The following CNTN6 variants were observed in gnomAD, a reference collection of about 807,000 sequenced individuals.
The protein encoded by CNTN6 is contactin 6, also known as contactin-6.
CNTN6 carries 137 observed loss-of-function variants against 122.8 expected under a neutral mutation model. The ratio of observed to expected loss-of-function variants is 1.12; its 90% CI spans 0.97 to 1.29. The LOEUF (loss-of-function observed/expected upper bound fraction) is 1.29. Ranked by LOEUF, CNTN6 falls within the 50% of genes most tolerant of loss-of-function variation. CNTN6 has a pLI of 0.00. For synonymous variants in CNTN6, 570 were observed against 426.0 expected, an observed-to-expected ratio of 1.34 and a Z score of -4.16; for missense variants, 1,634 against 1,223.4, an observed-to-expected ratio of 1.34 and a Z score of -5.01.
At chr3:1,166,072 T>A (rs2093241230) in intron 2 of CNTN6, among the ~76,000 whole-genome samples, 1 of 152,188 alleles carries the variant, frequency 6.6e-6, no homozygotes, top group Admixed American at 6.5e-5. Context: ...GTCGGTAACA[T>A]TCAGTGCTCA....
rs1047076118 is a variant in CNTN6 at position 1,253,619 on chromosome 3, A to G, written c.359-24794A>G. 2.0e-5 allele frequency among the ~76,000 whole-genome samples: 3 copies of G among 152,128 alleles called. No homozygotes were observed. In the South Asian group the frequency reaches 6.2e-4, roughly 31 times the overall value. On this transcript the variant is annotated intron_variant, in intron 4 of 22. Coordinates refer to ENST00000446702, the MANE Select transcript of CNTN6 (RefSeq NM_001289080.2). The stretch of plus-strand genomic sequence containing the variant: ...ATTTTTCCCCAGGATGAGGGGTTGG[A>G]GGGCAGTGGTTTCAGCAGGTATTAG...
At chr3:1,278,346 A>G in intron 4 of CNTN6, 67 bp from the exon 5 acceptor site, 1 of 1,120,304 alleles carries the variant, frequency 8.9e-7, no homozygotes, top group Non-Finnish European at 1.3e-6. Context: ...CATTCTTGAG[A>G]TTCTTCTTTA....
intron 1 of CNTN6, among the ~76,000 whole-genome samples, chr3:1,126,933 C>T (rs2092182305): frequency 6.6e-6 from 1 of 151,820 alleles, no homozygotes; most frequent in African/African-American, 2.4e-5. Context: ...CTGAAGATGT[C>T]ATCACCAGGT....
rs1212839801 is a variant in CNTN6 at position 1,126,093 on chromosome 3, A to G, written c.-82-21834A>G. The stretch of plus-strand genomic sequence containing the variant: ...CAAGCAATATTATTTACCCCAGAGT[A>G]TTTTTGTCTTTCCCATATGATTGTC... On this transcript the variant is annotated intron_variant, in intron 1 of 22. Coordinates refer to ENST00000446702, the MANE Select transcript of CNTN6 (RefSeq NM_001289080.2). Among the ~76,000 whole-genome samples the G allele has an allele frequency of 5.3e-5, 8 of 151,930 alleles. No homozygotes were observed. In the East Asian group the frequency reaches 1.4e-3, roughly 26 times the overall value.
At chr3:1,368,020 T>C (rs1489309995) in intron 12 of CNTN6, among the ~76,000 whole-genome samples, 1 of 152,152 alleles carries the variant, frequency 6.6e-6, no homozygotes, top group Non-Finnish European at 1.5e-5. Context: ...CAATAAATTA[T>C]TGCAAAAGGA....
intron 4 of CNTN6, among the ~76,000 whole-genome samples, chr3:1,255,081 G>C (rs901915682): frequency 2.6e-5 from 4 of 152,078 alleles, no homozygotes; most frequent in African/African-American, 7.2e-5. Context: ...GCTACTCCAG[G>C]CTTTTACCAT....
intron 20 of CNTN6, among the ~76,000 whole-genome samples, chr3:1,390,828 C>CACAT (rs1297302071): frequency 2.0e-5 from 3 of 150,876 alleles, no homozygotes; most frequent in Admixed American, 1.3e-4. Flanking sequence ...AATTCCTCGA[C>CACAT]ACATACACTC....
chr3:1,372,074 A>T (rs155854), intron 12 of CNTN6, among the ~76,000 whole-genome samples: 57 of 151,926 alleles, frequency 3.8e-4, no homozygotes, highest in Non-Finnish European at 1.0e-4. Flanking sequence ...AACTATTTTC[A>T]TATAAGGTGT....
intron 1 of CNTN6, among the ~76,000 whole-genome samples, chr3:1,124,255 G>A (rs181793874): frequency 3.9e-4 from 60 of 151,980 alleles, no homozygotes; most frequent in Middle Eastern, 3.4e-3. Context: ...CCAGGCCAAC[G>A]CGCCAACACC....
chr3:1,317,661 ATC>A (rs1700280057), intron 7 of CNTN6, among the ~76,000 whole-genome samples: 1 of 151,632 alleles, frequency 6.6e-6, no homozygotes, highest in South Asian at 2.1e-4. Context: ...GTGGAAAGAG[ATC>A]TCCTCTTCAA....
At chr3:1,149,140 C>A (rs1357413793) in intron 2 of CNTN6, among the ~76,000 whole-genome samples, 3 of 152,132 alleles carry the variant, frequency 2.0e-5, no homozygotes, top group African/African-American at 4.8e-5. Context: ...AGGCAATAAT[C>A]GTGGCTGTTT....
intron 2 of CNTN6, among the ~76,000 whole-genome samples, chr3:1,150,435 A>T (rs1302571321): frequency 6.6e-6 from 1 of 151,902 alleles, no homozygotes; most frequent in Non-Finnish European, 1.5e-5. Context: ...TTTTTTGACA[A>T]CCTCTCCCCT....
In CNTN6 at chr3:1,385,778, T is replaced by C. The variant is rs773563535; in HGVS notation, c.2685T>C (p.Asn895=). Residue 895 remains asparagine (N), a synonymous_variant, in exon 20 of 23, where the codon AAT becomes AAC. Coordinates refer to ENST00000446702, the MANE Select transcript of CNTN6 (RefSeq NM_001289080.2). ...CAGGGCCCTCAAGCCCCCCAGTCAA[T>C]GTTACCACCAAAAAGTCTCGTAAGT... The part of the protein sequence containing the change: ...AGTGPSSPPV[N]VTTKKSPPSQ... 1.2e-6 allele frequency: 2 copies of C among 1,610,540 alleles called. No individual in the cohort carries two copies. Among genetic ancestry groups the C allele is most frequent in the Non-Finnish European group, 8.5e-7 (1 of 1,178,714 alleles).
At chr3:1,172,276 A>G (rs977226438) in intron 2 of CNTN6, among the ~76,000 whole-genome samples, 2 of 152,194 alleles carry the variant, frequency 1.3e-5, no homozygotes, top group African/African-American at 4.8e-5. Context: ...GCAGGATTAT[A>G]TTGCCCTCTG....
chr3:1,397,320 T>C (rs1412664622), intron 20 of CNTN6, among the ~76,000 whole-genome samples: 1 of 152,114 alleles, frequency 6.6e-6, no homozygotes. Flanking sequence ...CTATATGGGA[T>C]AGGCTATGTA....
intron 1 of CNTN6, among the ~76,000 whole-genome samples, chr3:1,107,724 AT>A (rs1280963266): frequency 1.3e-5 from 2 of 151,994 alleles, no homozygotes; most frequent in African/African-American, 4.8e-5. Context: ...GTAGGTGCTA[AT>A]GTGTATAATT....
chr3:1,247,226 A>G (rs2094594993), intron 4 of CNTN6, among the ~76,000 whole-genome samples: 1 of 152,018 alleles, frequency 6.6e-6, no homozygotes, highest in African/African-American at 2.4e-5. Flanking sequence ...ATTTTTTTCT[A>G]TAGGGATCCA....
intron 19 of CNTN6, 39 bp downstream of exon 19, chr3:1,383,447 C>G: frequency 6.7e-7 from 1 of 1,483,528 alleles, no homozygotes; most frequent in Non-Finnish European, 9.4e-7. Context: ...ATGAATGTGC[C>G]AATGGACTTC....
chr3:1,233,569 A>AC (rs760397456), intron 4 of CNTN6, among the ~76,000 whole-genome samples: 6 of 151,816 alleles, frequency 4.0e-5, no homozygotes, highest in Non-Finnish European at 5.9e-5. Context: ...CCACGTCTCT[A>AC]TAAAAAATAC....
Sources: gnomAD v4.1 joint callset for allele counts (sites outside exome capture counted in the v4.1 genomes callset) on GRCh38, gnomAD v4.1.1 for gene constraint, MANE v1.5 for transcripts, NCBI Gene and HGNC (gene_info 2026-07-23, HGNC 2026-07-21) for gene names.